Variants in ADGRB3 observed in about 807,000 individuals in gnomAD.
The protein encoded by ADGRB3 is adhesion G protein-coupled receptor B3, also known as brain-specific angiogenesis inhibitor 3.
Under a neutral mutation model 193.4 loss-of-function variants are expected in ADGRB3, and 37 were observed. The ratio of observed to expected loss-of-function variants is 0.19; its 90% confidence interval spans 0.15 to 0.25. ADGRB3 has a LOEUF of 0.25. Among genes scored for constraint, ADGRB3 ranks in the 10% least tolerant of loss-of-function variants. The probability of loss-of-function intolerance (pLI) is 1.00; values close to 1 mark genes in which losing one functional copy is unlikely to be tolerated. For missense variants in ADGRB3, 1,637 were observed against 1,852.9 expected (o/e 0.88, Z 2.14); for synonymous variants, 690 against 644.2 (o/e 1.07, Z -1.08).
intron 20 of ADGRB3, among the ~76,000 whole-genome samples, chr6:69,294,341 C>A (rs1331358953): frequency 6.6e-6 from 1 of 152,002 alleles, no homozygotes; most frequent in African/African-American, 2.4e-5. Context: ...TTTCATAAGT[C>A]ATATTTCAAA....
rs536644788 is a variant in ADGRB3 at position 69,017,077 on chromosome 6, C to A, written c.1999-1314C>A. Among the ~76,000 whole-genome samples, 6 of 151,878 alleles carry A rather than the reference C, an allele frequency of 4.0e-5. 1 individual carries two copies. The South Asian group carries it at 1.2e-3, about 32-fold the overall frequency. Reference sequence around the variant, plus strand: ...GAAGCTAAGAGACAGGTTTTATCTCCCAAATCTTTCTAAAGTTAAAAATTG... The same window carrying A: ...GAAGCTAAGAGACAGGTTTTATCTCACAAATCTTTCTAAAGTTAAAAATTG... On this transcript the variant is annotated intron_variant, in intron 12 of 31. Coordinates refer to ENST00000370598, the MANE Select transcript of ADGRB3 (RefSeq NM_001704.3).
chr6:69,323,985 A>G (rs759046511), intron 20 of ADGRB3, among the ~76,000 whole-genome samples: 10 of 152,106 alleles, frequency 6.6e-5, no homozygotes, highest in Non-Finnish European at 1.3e-4. Flanking sequence ...AAGACTGAGA[A>G]TGACTGACAA....
intron 13 of ADGRB3, among the ~76,000 whole-genome samples, chr6:69,035,408 T>C (rs1770839525): frequency 6.6e-6 from 1 of 152,074 alleles, no homozygotes; most frequent in Non-Finnish European, 1.5e-5. Context: ...AGTAAGTATC[T>C]ACAGATCCAT....
At chr6:68,919,345 G>A (rs959777827) in intron 3 of ADGRB3, among the ~76,000 whole-genome samples, 2 of 152,162 alleles carry the variant, frequency 1.3e-5, no homozygotes, top group African/African-American at 4.8e-5. Context: ...AATGCGAAAT[G>A]TACAGCAAGG....
chr6:69,363,592 A>G (rs1396203429), intron 29 of ADGRB3, among the ~76,000 whole-genome samples: 1 of 152,066 alleles, frequency 6.6e-6, no homozygotes, highest in Non-Finnish European at 1.5e-5. Context: ...GATCAATTTT[A>G]TGCCATCTAG....
At chr6:68,852,102 C>A (rs1020574907) in intron 3 of ADGRB3, among the ~76,000 whole-genome samples, 3 of 151,796 alleles carry the variant, frequency 2.0e-5, no homozygotes, top group African/African-American at 7.2e-5. Context: ...TGCTTCCTCC[C>A]AAATACATTT....
chr6:68,930,797 T>C, intron 4 of ADGRB3, 128 bp downstream of exon 4: 1 of 697,738 alleles, frequency 1.4e-6, no homozygotes, highest in South Asian at 2.1e-5. Context: ...ATTTTTTTTG[T>C]CACCAGTTAA....
chr6:68,675,412 G>T (rs1006416256), intron 3 of ADGRB3, among the ~76,000 whole-genome samples: 1 of 151,756 alleles, frequency 6.6e-6, no homozygotes, highest in East Asian at 1.9e-4. Context: ...AAAGCAAGGA[G>T]AAAAAAGGAA....
At chr6:69,254,402 TA>T (rs1452228875) in intron 20 of ADGRB3, among the ~76,000 whole-genome samples, 25 of 152,152 alleles carry the variant, frequency 1.6e-4, no homozygotes, top group African/African-American at 6.0e-4. Flanking sequence ...GCATGCCTAT[TA>T]CTTTTTTTTC....
intron 3 of ADGRB3, among the ~76,000 whole-genome samples, chr6:68,813,343 G>A (rs895249921): frequency 7.9e-5 from 12 of 152,030 alleles, no homozygotes; most frequent in African/African-American, 1.5e-4. Flanking sequence ...GCATGAAAAC[G>A]GACTGATACA....
chr6:68,828,196 T>TC (rs1231963546), intron 3 of ADGRB3, among the ~76,000 whole-genome samples: 1 of 152,150 alleles, frequency 6.6e-6, no homozygotes, highest in Admixed American at 6.6e-5. Context: ...CCTTTTTTTT[T>TC]TCCTCAATTT....
intron 8 of ADGRB3, among the ~76,000 whole-genome samples, chr6:68,973,724 A>G (rs933797023): frequency 1.3e-5 from 2 of 152,226 alleles, no homozygotes; most frequent in Admixed American, 1.3e-4. Flanking sequence ...GTAGACCCAA[A>G]CAAGATCCCT....
chr6:68,831,991 A>T (rs6921127), intron 3 of ADGRB3, among the ~76,000 whole-genome samples: 4,274 of 152,276 alleles, frequency 0.028, 201 homozygotes, highest in African/African-American at 0.096. Flanking sequence ...ATCGTGTGTT[A>T]TCACTAAGTA....
chr6:68,957,998 C>T (rs138207656), intron 8 of ADGRB3, among the ~76,000 whole-genome samples: 2,266 of 151,950 alleles, frequency 0.015, 55 homozygotes, highest in African/African-American at 0.048. Flanking sequence ...GTCAGGAGTT[C>T]GAGACCAGCC....
At chr6:69,027,285 G>A (rs931095611) in intron 13 of ADGRB3, among the ~76,000 whole-genome samples, 4 of 151,878 alleles carry the variant, frequency 2.6e-5, no homozygotes, top group Admixed American at 2.0e-4. Context: ...CCAGGGTCAG[G>A]ATCATCAATG....
intron 20 of ADGRB3, among the ~76,000 whole-genome samples, chr6:69,241,413 A>G (rs1017354942): frequency 1.3e-5 from 2 of 151,936 alleles, no homozygotes; most frequent in Non-Finnish European, 2.9e-5. Context: ...AGTATATTTT[A>G]TACTTATGAT....
chr6:69,381,280 T>TC (rs1209126134), intron 30 of ADGRB3, among the ~76,000 whole-genome samples: 3 of 151,866 alleles, frequency 2.0e-5, no homozygotes, highest in East Asian at 3.9e-4. Flanking sequence ...TTTTGTATAT[T>TC]CCCCCCCAAA....
At chr6:69,064,369 A>G (rs1469059926) in intron 16 of ADGRB3, among the ~76,000 whole-genome samples, 3 of 152,000 alleles carry the variant, frequency 2.0e-5, no homozygotes, top group East Asian at 3.9e-4. Flanking sequence ...TTAAACTATT[A>G]GTTAATATTT....
intron 17 of ADGRB3, among the ~76,000 whole-genome samples, chr6:69,146,821 C>CTTTTTTTT (rs756561473): frequency 2.6e-4 from 27 of 103,226 alleles, no homozygotes; most frequent in East Asian, 6.7e-4. Flanking sequence ...CTCATTACTT[C>CTTTTTTTT]TTTTTTTTTT....
Sources: allele counts gnomAD v4.1 joint callset (sites outside exome capture counted in the v4.1 genomes callset), GRCh38; gene constraint gnomAD v4.1.1; transcripts MANE v1.5; gene names NCBI Gene and HGNC (gene_info 2026-07-23, HGNC 2026-07-21).